OSBPL9: variants seen among roughly 807,000 people sequenced by gnomAD.
OSBPL9 encodes the protein oxysterol-binding protein-related protein 9.
In OSBPL9, 40 loss-of-function variants were observed where a neutral mutation model predicts 106.6. The ratio of observed to expected loss-of-function variants is 0.38; its 90% CI spans 0.29 to 0.49. The LOEUF (loss-of-function observed/expected upper bound fraction) is 0.49, where lower values mean the gene tolerates loss of function less well. Ranked by LOEUF, OSBPL9 falls within the 20% of genes least tolerant of loss-of-function variation. The pLI, the probability that OSBPL9 is intolerant of heterozygous loss-of-function variation, is 0.97. For missense variants in OSBPL9, 609 were observed against 887.2 expected, an observed-to-expected ratio of 0.69 and a Z score of 3.98; for synonymous variants, 269 against 295.4, an observed-to-expected ratio of 0.91 and a Z score of 0.92.
chr1:51,783,764 A>G, intron 17 of OSBPL9, 151 bp from the exon 18 acceptor site: 1 of 615,826 alleles, frequency 1.6e-6, no homozygotes, highest in Non-Finnish European at 2.9e-6. Context: ...GGAAAAGGGT[A>G]TAAAAGGCAG....
At chr1:51,524,935 C>T in the OSBPL9 span, among the ~76,000 whole-genome samples, 5 of 152,174 alleles carry the variant, frequency 3.3e-5, no homozygotes, top group South Asian at 6.2e-4. Context: ...ATTACTAGCC[C>T]TACTTACCAT....
rs148760814 is a variant in OSBPL9, at chr1:51,667,747, G to T, written c.163-1687G>T. Among the ~76,000 whole-genome samples, 11 of 152,294 alleles carry T rather than the reference G, an allele frequency of 7.2e-5. No homozygotes were observed. The East Asian group carries it at 1.5e-3, about 21-fold the overall frequency. ...TAACCAGAATGAGCTGTTTCTGCAC[G>T]TGCTTACCCACTGAAGTGTGTCTGT... On this transcript the variant is annotated intron_variant, in intron 2 of 23. Coordinates refer to ENST00000428468, the MANE Select transcript of OSBPL9 (RefSeq NM_024586.6).
intron 2 of OSBPL9, among the ~76,000 whole-genome samples, chr1:51,668,479 G>A (rs566365047): frequency 3.1e-4 from 47 of 151,850 alleles, no homozygotes; most frequent in African/African-American, 1.1e-3. Context: ...AAAGTTAGCC[G>A]GGTGTGGTGG....
intron 3 of OSBPL9, among the ~76,000 whole-genome samples, chr1:51,704,872 A>C (rs1364097882): frequency 6.6e-6 from 1 of 152,172 alleles, no homozygotes; most frequent in Admixed American, 6.5e-5. Flanking sequence ...AATTATGTGA[A>C]ATATTATGGT....
Position 51,729,032 on chromosome 1 carries a change from C to A in OSBPL9, c.318+14953C>A, listed in dbSNP as rs1663671186. Among the ~76,000 whole-genome samples the A allele has an allele frequency of 6.6e-6, 1 of 152,144 alleles. No homozygotes were observed. The highest frequency in any genetic ancestry group is 6.5e-5 in the Admixed American group (1 of 15,278). On this transcript the variant is annotated intron_variant, in intron 4 of 23. Coordinates refer to ENST00000428468, the MANE Select transcript of OSBPL9 (RefSeq NM_024586.6). The surrounding 1 kb of genome is among the most constrained non-coding windows in gnomAD (Gnocchi z 5.1). Reference sequence around the variant, plus strand: ...AAGTTAATCACTTATGTTTGTGATTCCCTGCATTTTGGGTGATTCTCTGTC... The same window carrying A: ...AAGTTAATCACTTATGTTTGTGATTACCTGCATTTTGGGTGATTCTCTGTC...
intron 14 of OSBPL9, among the ~76,000 whole-genome samples, chr1:51,775,603 C>CATTTATTT (rs564959096): frequency 4.6e-5 from 7 of 151,804 alleles, no homozygotes; most frequent in Non-Finnish European, 7.4e-5. Context: ...AGCTTGCTTG[C>CATTTATTT]ATTTATTTAT....
At chr1:51,617,043 C>T (rs1175596216), upstream of OSBPL9, 1 of 1,542,020 alleles carries the variant, frequency 6.5e-7, no homozygotes, top group East Asian at 2.5e-5. Context: ...GCGGCCCCGC[C>T]CCCCGCATGC....
chr1:51,583,103 AT>A (rs1386890703), intron 1 of OSBPL9, among the ~76,000 whole-genome samples: 4 of 152,012 alleles, frequency 2.6e-5, no homozygotes, highest in Admixed American at 6.6e-5. Flanking sequence ...AAAGAAAAAA[AT>A]ATATAAATAT....
chr1:51,735,078 C>T (rs1571411104), intron 4 of OSBPL9, among the ~76,000 whole-genome samples: 1 of 152,174 alleles, frequency 6.6e-6, no homozygotes, highest in Non-Finnish European at 1.5e-5. Context: ...CAGCTTTCAG[C>T]ATCTGGGATC....
rs549203650 is a variant in OSBPL9 at position 51,757,460 on chromosome 1, A to G, written c.582+1102A>G. On this transcript the variant is annotated intron_variant, in intron 9 of 23. Transcript: ENST00000428468. The stretch of plus-strand genomic sequence containing the variant: ...CATTTTATGGTCTCCAAAGACTCCA[A>G]AGGAAAACCATGTTGGCTGTTATTT... 3.8e-4 allele frequency among the ~76,000 whole-genome samples: 58 copies of G among 151,996 alleles called. No individual in the cohort carries two copies. In the South Asian group the frequency reaches 4.6e-3, roughly 12 times the overall value.
intron 4 of OSBPL9, among the ~76,000 whole-genome samples, chr1:51,714,862 A>G (rs1660737589): frequency 6.6e-6 from 1 of 152,182 alleles, no homozygotes; most frequent in South Asian, 2.1e-4. Context: ...TACTGGCCTC[A>G]CTAGAAACAC....
chr1:51,787,564 C>A, intron 23 of OSBPL9, 76 bp downstream of exon 23: 1 of 1,605,454 alleles, frequency 6.2e-7, no homozygotes, highest in Non-Finnish European at 8.5e-7. Flanking sequence ...AAGTGATGTG[C>A]CAAACACTGT....
intron 4 of OSBPL9, among the ~76,000 whole-genome samples, chr1:51,728,414 T>A (rs1414740889): frequency 6.6e-6 from 1 of 151,738 alleles, no homozygotes; most frequent in African/African-American, 2.4e-5. Context: ...GAATGGAGAG[T>A]GTATTTAGGA....
chr1:51,546,081 A>G, the OSBPL9 span, among the ~76,000 whole-genome samples: 1 of 152,010 alleles, frequency 6.6e-6, no homozygotes, highest in Non-Finnish European at 1.5e-5. Flanking sequence ...CAGTGGCGCA[A>G]TCTCAGCTCA....
intron 2 of OSBPL9, among the ~76,000 whole-genome samples, chr1:51,666,046 A>T (rs928781352): frequency 2.6e-5 from 4 of 151,836 alleles, no homozygotes; most frequent in Non-Finnish European, 4.4e-5. Flanking sequence ...CAGGGTTTCA[A>T]CATGTTGACC....
intron 1 of OSBPL9, among the ~76,000 whole-genome samples, chr1:51,597,326 C>T (rs376593485): frequency 3.3e-5 from 5 of 151,536 alleles, no homozygotes; most frequent in South Asian, 2.1e-4. Context: ...GTTGGGATGT[C>T]GGTGTATAAT....
At chr1:51,691,348 C>T (rs1321328588) in intron 3 of OSBPL9, among the ~76,000 whole-genome samples, 4 of 137,478 alleles carry the variant, frequency 2.9e-5, no homozygotes, top group South Asian at 2.3e-4. Flanking sequence ...GGCATGATCT[C>T]GGCTCACTGC....
intron 4 of OSBPL9, among the ~76,000 whole-genome samples, chr1:51,728,702 C>G (rs1294048279): frequency 6.6e-6 from 1 of 152,126 alleles, no homozygotes; most frequent in African/African-American, 2.4e-5. Flanking sequence ...AAGCATTGCA[C>G]CTTTTTTTGT....
intron 2 of OSBPL9, among the ~76,000 whole-genome samples, chr1:51,657,977 C>T (rs551130364): frequency 1.3e-5 from 2 of 151,962 alleles, no homozygotes; most frequent in Admixed American, 6.6e-5. Context: ...GGTGTGGTGG[C>T]TTACACCTCT....
Sources: allele counts gnomAD v4.1 joint callset (sites outside exome capture counted in the v4.1 genomes callset), GRCh38; gene constraint gnomAD v4.1.1; non-coding constraint Gnocchi (gnomAD v3.1); transcripts MANE v1.5; gene names NCBI Gene and HGNC (gene_info 2026-07-23, HGNC 2026-07-21).